Variants in SLCO6A1 observed in about 807,000 individuals in gnomAD.
The protein encoded by SLCO6A1 is solute carrier organic anion transporter family member 6A1, also known as cancer/testis antigen 48.
SLCO6A1 carries 65 observed loss-of-function variants against 72.7 expected under a neutral mutation model. The ratio of observed to expected loss-of-function variants is 0.89; its 90% CI spans 0.73 to 1.10. SLCO6A1 has a LOEUF of 1.10. Ranked by LOEUF, SLCO6A1 falls within the 50% of genes least tolerant of loss-of-function variation. The probability of loss-of-function intolerance (pLI) is 0.00; values close to 1 mark genes in which losing one functional copy is unlikely to be tolerated. For missense variants in SLCO6A1, 874 were observed against 872.6 expected, an observed-to-expected ratio of 1.00 and a Z score of -0.02; for synonymous variants, 314 against 298.2, an observed-to-expected ratio of 1.05 and a Z score of -0.55.
Position 102,474,623 on chromosome 5 carries a change from G to A in SLCO6A1, c.899+1074C>T, listed in dbSNP as rs527721432. ...TTTTGCAGTAAAGGAAACAATTGGC[G>A]AAGTGAAAAGGCAACCTGCAGAATG... On this transcript the variant is annotated intron_variant, in intron 4 of 13. Transcript: ENST00000506729. Among the ~76,000 whole-genome samples, 6 of 152,094 alleles carry A rather than the reference G, an allele frequency of 3.9e-5. 1 individual carries two copies. The East Asian group carries it at 1.2e-3, about 29-fold the overall frequency.
chr5:102,460,539 A>T (rs983430752), intron 4 of SLCO6A1, among the ~76,000 whole-genome samples: 1 of 152,118 alleles, frequency 6.6e-6, no homozygotes, highest in Non-Finnish European at 1.5e-5. Context: ...GAGAATTTTC[A>T]TAGTTGTGAA....
intron 1 of SLCO6A1, among the ~76,000 whole-genome samples, chr5:102,492,722 G>C (rs1250897361): frequency 6.6e-6 from 1 of 152,196 alleles, no homozygotes; most frequent in Non-Finnish European, 1.5e-5. Context: ...TTAGCAAAGA[G>C]CACACCAGAA....
At chr5:102,419,583 C>G (rs1366249471) in intron 8 of SLCO6A1, among the ~76,000 whole-genome samples, 2 of 152,148 alleles carry the variant, frequency 1.3e-5, no homozygotes, top group African/African-American at 4.8e-5. Context: ...GGTTCCAAAC[C>G]TCTTCAATGT....
rs1177568656 is a variant in SLCO6A1, at chr5:102,498,502, G to A, written c.343C>T (p.Leu115=). 1.9e-6 allele frequency: 3 copies of A among 1,613,398 alleles called. No homozygotes were observed. The highest frequency in any genetic ancestry group is 2.5e-6 in the Non-Finnish European group (3 of 1,179,720). ...TCAGGCTCACCTTGACATATGAGCAGGATGCAGTAGAAAATCATGAAGCAG... is the reference window on the plus strand; with the variant it reads ...TCAGGCTCACCTTGACATATGAGCAAGATGCAGTAGAAAATCATGAAGCAG... ...IRCFMIFYCI[L]LICQGVVFGL... is the part of the protein sequence containing the mutation. Residue 115 remains leucine (L), a synonymous_variant, in exon 1 of 14, where the codon CTG becomes TTG. Transcript: ENST00000506729.
intron 1 of SLCO6A1, among the ~76,000 whole-genome samples, chr5:102,482,292 C>G (rs990337398): frequency 6.6e-6 from 1 of 151,964 alleles, no homozygotes; most frequent in Non-Finnish European, 1.5e-5. Flanking sequence ...AACATATATA[C>G]ACGCAAATGT....
rs532385652 is a variant in SLCO6A1, at chr5:102,452,703, C to T, written c.1131+5679G>A. On this transcript the variant is annotated intron_variant, in intron 6 of 13. Coordinates refer to ENST00000506729, the MANE Select transcript of SLCO6A1 (RefSeq NM_173488.5). ...ACATGGTAAGAGTAGATAATCCATT[C>T]GAAAAATAGCTAGTTTTTTGTCTCA... is the stretch of plus-strand genomic sequence containing the variant. Among the ~76,000 whole-genome samples, 10 of 152,138 alleles carry T rather than the reference C, an allele frequency of 6.6e-5. No individual in the cohort carries two copies. The East Asian group carries it at 9.7e-4, about 15-fold the overall frequency.
chr5:102,375,957 A>G (rs57415604), intron 12 of SLCO6A1, among the ~76,000 whole-genome samples: 45,750 of 151,986 alleles, frequency 0.3, 6,823 homozygotes, highest in African/African-American at 0.32. Context: ...AAGAGGGAAA[A>G]AAAGCAATGA....
At chr5:102,382,899 GT>G (rs926460565) in intron 12 of SLCO6A1, among the ~76,000 whole-genome samples, 2 of 149,516 alleles carry the variant, frequency 1.3e-5, no homozygotes, top group African/African-American at 4.9e-5. Flanking sequence ...ATATATGTGT[GT>G]TCGTATATAC....
intron 12 of SLCO6A1, among the ~76,000 whole-genome samples, chr5:102,382,981 G>GAT (rs995762561): frequency 9.8e-5 from 14 of 143,182 alleles, no homozygotes; most frequent in Middle Eastern, 3.6e-3. Flanking sequence ...ATATATGAGA[G>GAT]ATATATATAT....
At chr5:102,452,577 A>C (rs1358738958) in intron 6 of SLCO6A1, among the ~76,000 whole-genome samples, 2 of 152,096 alleles carry the variant, frequency 1.3e-5, no homozygotes, top group Non-Finnish European at 2.9e-5. Context: ...ACTTGCATCT[A>C]TCTTGTCTAC....
intron 10 of SLCO6A1, among the ~76,000 whole-genome samples, chr5:102,397,262 C>T (rs535151142): frequency 1.7e-4 from 26 of 152,200 alleles, no homozygotes; most frequent in Non-Finnish European, 3.2e-4. Flanking sequence ...TCCTTTTCTA[C>T]TTACTCATTT....
intron 9 of SLCO6A1, among the ~76,000 whole-genome samples, chr5:102,400,059 A>C (rs1158746487): frequency 6.6e-6 from 1 of 151,914 alleles, no homozygotes; most frequent in East Asian, 1.9e-4. Context: ...TAAATATATA[A>C]ATTGAGGGAA....
intron 1 of SLCO6A1, among the ~76,000 whole-genome samples, chr5:102,490,774 G>A (rs1181542354): frequency 6.6e-6 from 1 of 152,066 alleles, no homozygotes; most frequent in South Asian, 2.1e-4. Context: ...TCGTGGTCTC[G>A]CTGGCTTCAG....
At chr5:102,379,956 T>G (rs769205340) in intron 12 of SLCO6A1, among the ~76,000 whole-genome samples, 1 of 151,896 alleles carries the variant, frequency 6.6e-6, no homozygotes, top group Non-Finnish European at 1.5e-5. Context: ...ACAACTTAAA[T>G]TTTTTATTGC....
At chr5:102,385,130 T>C (rs190296121) in intron 12 of SLCO6A1, among the ~76,000 whole-genome samples, 4 of 152,298 alleles carry the variant, frequency 2.6e-5, no homozygotes, top group African/African-American at 9.6e-5. Flanking sequence ...GCACGTTAAA[T>C]ATATCATTCT....
At chr5:102,423,222 G>T (rs1219058048) in intron 7 of SLCO6A1, among the ~76,000 whole-genome samples, 1 of 152,110 alleles carries the variant, frequency 6.6e-6, no homozygotes, top group Non-Finnish European at 1.5e-5. Context: ...CAACTACTGT[G>T]CAAAATATCC....
intron 1 of SLCO6A1, among the ~76,000 whole-genome samples, chr5:102,496,987 T>C (rs1561508416): frequency 6.6e-6 from 1 of 152,254 alleles, no homozygotes; most frequent in East Asian, 1.9e-4. Flanking sequence ...TTTGATAATC[T>C]CAAGACAAAC....
chr5:102,374,277 A>C (rs1239954084), intron 12 of SLCO6A1, among the ~76,000 whole-genome samples: 2 of 152,128 alleles, frequency 1.3e-5, no homozygotes, highest in African/African-American at 4.8e-5. Flanking sequence ...AAGTACTGGG[A>C]TTACAGACAG....
intron 7 of SLCO6A1, among the ~76,000 whole-genome samples, chr5:102,427,321 C>A (rs936048347): frequency 6.6e-6 from 1 of 151,904 alleles, no homozygotes; most frequent in East Asian, 1.9e-4. Flanking sequence ...ACAATGAGTA[C>A]AGGGGAGAAA....
Sources: allele counts gnomAD v4.1 joint callset (sites outside exome capture counted in the v4.1 genomes callset), GRCh38; gene constraint gnomAD v4.1.1; transcripts MANE v1.5; gene names NCBI Gene and HGNC (gene_info 2026-07-23, HGNC 2026-07-21).